Variants in FHIT observed in about 807,000 individuals in gnomAD.
FHIT encodes fragile histidine triad diadenosine triphosphatase, also known as bis(5'-adenosyl)-triphosphatase.
Under a neutral mutation model 17.9 loss-of-function variants are expected in FHIT, and 19 were observed. That is an observed-to-expected ratio of 1.06 (90% CI 0.74 to 1.56). The LOEUF is 1.56. Among genes scored for constraint, FHIT ranks in the 40% most tolerant of loss-of-function variants. The pLI is 0.00. For missense variants in FHIT, 248 were observed against 189.2 expected, an observed-to-expected ratio of 1.31 and a Z score of -1.82; for synonymous variants, 81 against 69.7, an observed-to-expected ratio of 1.16 and a Z score of -0.81.
chr3:60,510,662 T>C (rs1483530967), intron 5 of FHIT, among the ~76,000 whole-genome samples: 1 of 152,140 alleles, frequency 6.6e-6, no homozygotes, highest in East Asian at 1.9e-4. Context: ...TGGTATTTAC[T>C]AGCTGAAGGG....
intron 3 of FHIT, among the ~76,000 whole-genome samples, chr3:60,843,339 T>C (rs1447919): frequency 0.32 from 48,772 of 151,962 alleles, 8,955 homozygotes; most frequent in African/African-American, 0.49. Context: ...TATGTTCCAA[T>C]AATATCAAGA....
chr3:60,953,536 C>T (rs1708982612), intron 3 of FHIT, among the ~76,000 whole-genome samples: 1 of 152,186 alleles, frequency 6.6e-6, no homozygotes, highest in African/African-American at 2.4e-5. Context: ...TTTACCTCCT[C>T]AAGCCCTGAC....
intron 2 of FHIT, among the ~76,000 whole-genome samples, chr3:61,182,621 A>C (rs1157429149): frequency 6.6e-6 from 1 of 152,170 alleles, no homozygotes; most frequent in Non-Finnish European, 1.5e-5. Context: ...CATACTAGAG[A>C]GTAAATGAAT....
intron 7 of FHIT, among the ~76,000 whole-genome samples, chr3:59,968,174 C>T (rs79788404): frequency 6.6e-6 from 1 of 152,058 alleles, no homozygotes; most frequent in African/African-American, 2.4e-5. Context: ...CTTTAGAAGG[C>T]AAACTTTCTT....
intron 4 of FHIT, among the ~76,000 whole-genome samples, chr3:60,568,827 G>A (rs1160304248): frequency 6.6e-6 from 1 of 152,056 alleles, no homozygotes; most frequent in Admixed American, 6.6e-5. Context: ...ACTTAAAGAG[G>A]TAGAAGGTAT....
At position 60,222,083 on chromosome 3, in the gene FHIT, C is replaced by T. The variant is rs142713472; in HGVS notation, c.104-207931G>A. Among the ~76,000 whole-genome samples the T allele has an allele frequency of 6.0e-3, 917 of 152,184 alleles. 9 individuals are homozygous for T. The highest frequency in any genetic ancestry group is 0.02 in the African/African-American group (840 of 41,540). ...TCAAAAATTATTGGGCATGGACAAA[C>T]GAACCTGCTAGTTAAGCATTTCCAT... is the stretch of plus-strand genomic sequence containing the variant. On this transcript the variant is annotated intron_variant, in intron 5 of 9. Transcript: ENST00000492590.
chr3:60,283,354 T>C (rs1440606996), intron 5 of FHIT, among the ~76,000 whole-genome samples: 1 of 152,102 alleles, frequency 6.6e-6, no homozygotes, highest in Non-Finnish European at 1.5e-5. Context: ...AATCATATAA[T>C]ATATATTAAT....
At chr3:60,579,367 T>G (rs1420182978) in intron 4 of FHIT, among the ~76,000 whole-genome samples, 4 of 152,072 alleles carry the variant, frequency 2.6e-5, no homozygotes, top group African/African-American at 7.2e-5. Context: ...ACAGTAAAAA[T>G]ATATTATAAT....
At chr3:60,039,652 T>C (rs1004979719) in intron 5 of FHIT, among the ~76,000 whole-genome samples, 1 of 152,214 alleles carries the variant, frequency 6.6e-6, no homozygotes, top group Non-Finnish European at 1.5e-5. Flanking sequence ...ATAATAGAAA[T>C]AATGTAATAA....
chr3:60,906,576 G>A (rs559235988), intron 3 of FHIT, among the ~76,000 whole-genome samples: 2 of 152,296 alleles, frequency 1.3e-5, no homozygotes, highest in Admixed American at 6.5e-5. Context: ...AAAATGTAAG[G>A]TAAGGTTGAT....
intron 2 of FHIT, among the ~76,000 whole-genome samples, chr3:61,174,865 C>T (rs903801717): frequency 6.6e-6 from 1 of 152,174 alleles, no homozygotes; most frequent in African/African-American, 2.4e-5. Context: ...GTACCATTAT[C>T]CAAACTGTCC....
In FHIT at chr3:59,954,549, A is replaced by C. The variant is rs576459453; in HGVS notation, c.280-32135T>G. On this transcript the variant is annotated intron_variant, in intron 7 of 9. Coordinates refer to ENST00000492590, the MANE Select transcript of FHIT (RefSeq NM_002012.4). ...AGACTCCTCTCCTGGGAAAATCTGC[A>C]ATTCGAAACTCAAAAGAAGATGAGG... 2.6e-5 allele frequency among the ~76,000 whole-genome samples: 4 copies of C among 152,270 alleles called. No homozygotes were observed. In the South Asian group the frequency reaches 8.3e-4, roughly 32 times the overall value.
At chr3:60,929,943 T>C (rs374672496) in intron 3 of FHIT, among the ~76,000 whole-genome samples, 22 of 152,268 alleles carry the variant, frequency 1.4e-4, no homozygotes, top group Admixed American at 6.5e-4. Flanking sequence ...GGAGGCATCA[T>C]GCTACCTGAC....
intron 3 of FHIT, among the ~76,000 whole-genome samples, chr3:61,026,507 C>G (rs931584522): frequency 3.3e-5 from 5 of 152,168 alleles, no homozygotes; most frequent in South Asian, 2.1e-4. Flanking sequence ...CCAGCCTTAC[C>G]TGATCATAGA....
chr3:60,695,328 A>G (rs1230514634), intron 4 of FHIT, among the ~76,000 whole-genome samples: 3 of 152,134 alleles, frequency 2.0e-5, no homozygotes, highest in Admixed American at 2.0e-4. Context: ...CCCAGGAGGC[A>G]AAGGTTGCAG....
intron 5 of FHIT, among the ~76,000 whole-genome samples, chr3:60,129,612 T>G (rs1040698443): frequency 3.9e-5 from 6 of 152,224 alleles, no homozygotes; most frequent in Non-Finnish European, 8.8e-5. Flanking sequence ...CGTAAAGTCC[T>G]AGGAGATGCC....
At chr3:61,242,722 G>A (rs1320445357) in intron 1 of FHIT, among the ~76,000 whole-genome samples, 2 of 152,178 alleles carry the variant, frequency 1.3e-5, no homozygotes, top group African/African-American at 2.4e-5. Context: ...AGCGGGCCAG[G>A]CAGTGGGGAG....
chr3:60,910,346 G>C (rs1159407545), intron 3 of FHIT, among the ~76,000 whole-genome samples: 3 of 152,020 alleles, frequency 2.0e-5, no homozygotes, highest in Non-Finnish European at 2.9e-5. Context: ...GACTGTGAGG[G>C]GGGTGAGAGC....
intron 5 of FHIT, among the ~76,000 whole-genome samples, chr3:60,321,827 C>A (rs1010343331): frequency 2.6e-5 from 4 of 152,136 alleles, no homozygotes; most frequent in African/African-American, 9.7e-5. Context: ...TTTAAGATGG[C>A]GCCTTCTTGA....
Sources: allele counts gnomAD v4.1 joint callset (sites outside exome capture counted in the v4.1 genomes callset), GRCh38; gene constraint gnomAD v4.1.1; transcripts MANE v1.5; gene names NCBI Gene and HGNC (gene_info 2026-07-23, HGNC 2026-07-21).